WDR72: variants seen among roughly 807,000 people sequenced by gnomAD.
WDR72 encodes the protein WD repeat domain 72, also known as WD repeat-containing protein 72.
In WDR72, 120 loss-of-function variants were observed where a neutral mutation model predicts 124.2. That is an observed-to-expected ratio of 0.97 (90% CI 0.83 to 1.12). The LOEUF (loss-of-function observed/expected upper bound fraction) is 1.12, where lower values mean the gene tolerates loss of function less well. Among genes scored for constraint, WDR72 ranks in the 50% most tolerant of loss-of-function variants. The pLI, the probability that WDR72 is intolerant of heterozygous loss-of-function variation, is 0.00. For missense variants in WDR72, 1,387 were observed against 1,278.8 expected (o/e 1.08, Z -1.29); for synonymous variants, 452 against 441.7 (o/e 1.02, Z -0.29).
At chr15:53,713,780 G>GA (rs1019840199) in intron 6 of WDR72, among the ~76,000 whole-genome samples, 1 of 151,614 alleles carries the variant, frequency 6.6e-6, no homozygotes. Context: ...TGCTTAAACA[G>GA]AAAAAAAATG....
intron 18 of WDR72, among the ~76,000 whole-genome samples, chr15:53,592,389 CA>C (rs1566973855): frequency 1.3e-5 from 2 of 152,048 alleles, no homozygotes; most frequent in Non-Finnish European, 2.9e-5. Flanking sequence ...AGCCTTTCCA[CA>C]AGTAGATATC....
At chr15:53,639,266 C>T (rs984606951) in intron 14 of WDR72, among the ~76,000 whole-genome samples, 6 of 151,846 alleles carry the variant, frequency 4.0e-5, no homozygotes, top group African/African-American at 7.3e-5. Flanking sequence ...TATATGTGGA[C>T]GACTCAACAG....
chr15:53,540,916 A>C (rs1331636478), intron 18 of WDR72: 1 of 155,056 alleles, frequency 6.4e-6, no homozygotes, highest in Non-Finnish European at 1.4e-5. Context: ...CTCCCACCCG[A>C]ATATTGAGCT....
At chr15:53,732,389 T>C (rs2018227199) in intron 2 of WDR72, among the ~76,000 whole-genome samples, 1 of 152,202 alleles carries the variant, frequency 6.6e-6, no homozygotes, top group African/African-American at 2.4e-5. Flanking sequence ...AGCAAATATC[T>C]ATTCTGATAC....
In WDR72 at chr15:53,715,016, AC is replaced by A. The variant is rs374310535; in HGVS notation, c.514+176del. 6.2e-4 allele frequency among the ~76,000 whole-genome samples: 94 copies of A among 152,304 alleles called. No individual in the cohort carries two copies. The East Asian group carries it at 0.01, about 16-fold the overall frequency. Reference sequence around the variant, plus strand: ...TGCTGACTTTCCAATGTTTTGAACCACTGGCATGGGTGTTCTTAGTTTTTCT... The same window carrying A: ...TGCTGACTTTCCAATGTTTTGAACCATGGCATGGGTGTTCTTAGTTTTTCT... On this transcript the variant is annotated intron_variant, in intron 5 of 19. Transcript: ENST00000360509.
At chr15:53,586,584 A>C (rs1240279757) in intron 18 of WDR72, among the ~76,000 whole-genome samples, 3 of 152,028 alleles carry the variant, frequency 2.0e-5, no homozygotes, top group Non-Finnish European at 4.4e-5. Flanking sequence ...TCAGTTGTAA[A>C]TTTTAGAGTT....
At chr15:53,737,731 T>G (rs1007261685) in intron 1 of WDR72, among the ~76,000 whole-genome samples, 9 of 152,130 alleles carry the variant, frequency 5.9e-5, no homozygotes, top group African/African-American at 2.2e-4. Context: ...TTTCAATTAG[T>G]AATAAACAGA....
chr15:53,648,517 G>A (rs1414960848), intron 14 of WDR72, among the ~76,000 whole-genome samples: 2 of 152,064 alleles, frequency 1.3e-5, no homozygotes. Flanking sequence ...AAAGGTATAG[G>A]TCTGAAGGAA....
chr15:53,632,539 T>C (rs932121858), intron 14 of WDR72, among the ~76,000 whole-genome samples: 43 of 152,058 alleles, frequency 2.8e-4, no homozygotes, highest in African/African-American at 8.9e-4. Flanking sequence ...AGTGGAGCTA[T>C]GAGAAGAGGG....
chr15:53,676,091 A>G (rs1052334271), intron 13 of WDR72, among the ~76,000 whole-genome samples: 3 of 152,092 alleles, frequency 2.0e-5, no homozygotes, highest in Non-Finnish European at 4.4e-5. Context: ...TCAATACCAT[A>G]TTACCACACC....
chr15:53,713,138 G>A (rs1472428571), intron 6 of WDR72, among the ~76,000 whole-genome samples: 1 of 146,692 alleles, frequency 6.8e-6, no homozygotes, highest in East Asian at 2.0e-4. Flanking sequence ...ACCTGCGTAT[G>A]TACTCCTGAA....
intron 17 of WDR72, among the ~76,000 whole-genome samples, chr15:53,598,401 G>A (rs866915323): frequency 1.4e-4 from 22 of 152,060 alleles, no homozygotes; most frequent in African/African-American, 5.3e-4. Context: ...CATGTCTAGA[G>A]CTAGGGATAT....
rs747352594 is a variant in WDR72 at position 53,712,738 on chromosome 15, C to A, written c.711+34G>T. On this transcript the variant is annotated intron_variant, in intron 7 of 19. Transcript: ENST00000360509. ...CAAAACAAAAAAAATTACACTTGTA[C>A]ATCACTGGTATTTATTATGTTACTT... The A allele has an allele frequency of 8.1e-6, 13 of 1,596,150 alleles. No homozygotes were observed. The South Asian group carries it at 1.2e-4, about 15-fold the overall frequency.
intron 13 of WDR72, among the ~76,000 whole-genome samples, chr15:53,671,213 C>A (rs927061149): frequency 9.2e-5 from 14 of 152,128 alleles, no homozygotes; most frequent in Non-Finnish European, 1.5e-4. Flanking sequence ...TCTGCTTTCT[C>A]CCATGTCAGC....
intron 9 of WDR72, among the ~76,000 whole-genome samples, chr15:53,707,107 C>T (rs2017401987): frequency 1.3e-5 from 2 of 152,034 alleles, no homozygotes; most frequent in African/African-American, 4.8e-5. Context: ...TAAAAGTCAT[C>T]CTAAAAAGAA....
chr15:53,546,404 T>C (rs1381170754), intron 18 of WDR72, among the ~76,000 whole-genome samples: 1 of 150,348 alleles, frequency 6.7e-6, no homozygotes, highest in Non-Finnish European at 1.5e-5. Flanking sequence ...CTCAGTAAAC[T>C]ATCGCAAGAA....
At chr15:53,607,507 A>C (rs1402952968) in intron 17 of WDR72, among the ~76,000 whole-genome samples, 4 of 152,186 alleles carry the variant, frequency 2.6e-5, no homozygotes, top group Admixed American at 2.0e-4. Flanking sequence ...ACCGTATACA[A>C]AAGTCAAATC....
chr15:53,681,918 A>T (rs1483448666), intron 13 of WDR72, among the ~76,000 whole-genome samples: 2 of 152,226 alleles, frequency 1.3e-5, no homozygotes, highest in Non-Finnish European at 2.9e-5. Context: ...AATTTTTAAA[A>T]TAAGTCATGG....
intron 13 of WDR72, among the ~76,000 whole-genome samples, chr15:53,679,654 G>A (rs1411338453): frequency 6.6e-6 from 1 of 152,076 alleles, no homozygotes; most frequent in African/African-American, 2.4e-5. Flanking sequence ...GAGTTCCAAT[G>A]GAAAAAGTGT....
Sources: gnomAD v4.1 joint callset for allele counts (sites outside exome capture counted in the v4.1 genomes callset) on GRCh38, gnomAD v4.1.1 for gene constraint, MANE v1.5 for transcripts, NCBI Gene and HGNC (gene_info 2026-07-23, HGNC 2026-07-21) for gene names.